The following TXNDC12 variants were observed in gnomAD, a reference collection of about 807,000 sequenced individuals.
The protein encoded by TXNDC12 is thioredoxin domain containing 12.
In TXNDC12, 22 loss-of-function variants were observed where a neutral mutation model predicts 24.2. The ratio of observed to expected loss-of-function variants is 0.91; its 90% CI spans 0.65 to 1.30. The LOEUF is 1.30. TXNDC12 is among the 50% of genes most tolerant of loss of function. The pLI, the probability that TXNDC12 is intolerant of heterozygous loss-of-function variation, is 0.00. For synonymous variants in TXNDC12, 58 were observed against 73.4 expected, an observed-to-expected ratio of 0.79 and a Z score of 1.07; for missense variants, 184 against 205.8, an observed-to-expected ratio of 0.89 and a Z score of 0.65.
intron 2 of TXNDC12, chr1:52,030,295 G>C (rs1296403105): frequency 6.6e-6 from 1 of 151,946 alleles, no homozygotes; most frequent in African/African-American, 2.4e-5. Context: ...GAGACAGCCA[G>C]ACCTTGTCTC....
At chr1:52,053,473 G>C (rs1405664428) in intron 1 of TXNDC12, among the ~76,000 whole-genome samples, 2 of 152,022 alleles carry the variant, frequency 1.3e-5, no homozygotes, top group African/African-American at 2.4e-5. Context: ...GACCAGCCTT[G>C]CCAACATAGT....
intron 2 of TXNDC12, among the ~76,000 whole-genome samples, chr1:52,038,746 C>T (rs1268172535): frequency 1.3e-5 from 2 of 152,084 alleles, no homozygotes; most frequent in Non-Finnish European, 2.9e-5. Flanking sequence ...TTTCTCAAAT[C>T]ATATTAGAGT....
At chr1:52,053,025 C>A (rs1686246628) in intron 1 of TXNDC12, among the ~76,000 whole-genome samples, 1 of 151,572 alleles carries the variant, frequency 6.6e-6, no homozygotes, top group Admixed American at 6.6e-5. Flanking sequence ...GGGAGGATTA[C>A]CTGAGGTCAG....
intron 1 of TXNDC12, among the ~76,000 whole-genome samples, chr1:52,042,464 CTTT>C (rs3075033): frequency 7.1e-5 from 10 of 140,628 alleles, no homozygotes; most frequent in Admixed American, 2.2e-4. Flanking sequence ...TATACTTTCA[CTTT>C]TTTTTTTTTT....
chr1:52,033,232 T>A, intron 2 of TXNDC12: 1 of 1,614,148 alleles, frequency 6.2e-7, no homozygotes, highest in Non-Finnish European at 8.5e-7. Flanking sequence ...CCCGGATTCT[T>A]CTCGCTCCAG....
At chr1:52,050,334 T>A (rs1259724817) in intron 1 of TXNDC12, among the ~76,000 whole-genome samples, 2 of 152,206 alleles carry the variant, frequency 1.3e-5, no homozygotes, top group African/African-American at 2.4e-5. Flanking sequence ...CTGAAGGCAG[T>A]CCAATTTCCT....
Position 52,054,925 on chromosome 1 carries a change from G to A in TXNDC12, c.97+75C>T. The A allele has an allele frequency of 6.0e-6, 7 of 1,171,676 alleles. No individual in the cohort carries two copies. In the South Asian group the frequency reaches 8.6e-5, roughly 14 times the overall value. The allele number at this position is 1,171,676 out of a possible 1,614,324, so 72.6% of individuals were successfully genotyped here. A position where few individuals can be genotyped will look rare whatever the true frequency, so the allele number is the denominator to read the frequency against. On this transcript the variant is annotated intron_variant, in intron 1 of 6. Transcript: ENST00000371626. The stretch of plus-strand genomic sequence containing the variant: ...AGAGTTAGAATGGGAGGGGAACGGT[G>A]CTAGGGCAAGAAGAGATTATACTGG...
intron 1 of TXNDC12, among the ~76,000 whole-genome samples, chr1:52,049,852 AT>A (rs2124393640): frequency 6.6e-6 from 1 of 152,290 alleles, no homozygotes; most frequent in East Asian, 1.9e-4. Context: ...TGCTTATTTT[AT>A]GTAATAATTA....
chr1:52,037,782 A>T (rs912535089), intron 2 of TXNDC12, among the ~76,000 whole-genome samples: 13 of 152,040 alleles, frequency 8.6e-5, no homozygotes, highest in African/African-American at 3.1e-4. Flanking sequence ...GGCAGTTCTG[A>T]TGACAAACTT....
Position 52,020,286 on chromosome 1 carries a change from T to C in TXNDC12, c.*647A>G, listed in dbSNP as rs374786941. 2.7e-6 allele frequency: 1 copy of C among 373,496 alleles called. No individual in the cohort carries two copies. The highest frequency in any genetic ancestry group is 5.3e-6 in the Non-Finnish European group (1 of 189,926). The allele number at this position is 373,496 out of a possible 1,614,324, so 23.1% of individuals were successfully genotyped here. The stretch of plus-strand genomic sequence containing the variant: ...CCAACAGTAACAAGGGAAAGCATGC[T>C]TCCACCTGGAGCCGAGTCCAAGCAC... On this transcript the variant is annotated 3_prime_UTR_variant, in exon 7 of 7. Transcript: ENST00000371626.
At chr1:52,035,819 TGAGACTTTACA>T (rs1417379873) in intron 2 of TXNDC12, among the ~76,000 whole-genome samples, 2 of 152,178 alleles carry the variant, frequency 1.3e-5, no homozygotes, top group Non-Finnish European at 2.9e-5. Context: ...TAAACCTACT[TGAGACTTTACA>T]GACTATTCAA....
intron 1 of TXNDC12, among the ~76,000 whole-genome samples, chr1:52,053,697 G>C (rs560209540): frequency 4.6e-4 from 70 of 152,166 alleles, no homozygotes; most frequent in African/African-American, 1.6e-3. Flanking sequence ...AAAAAAAACG[G>C]TAGTCTGTTT....
intron 2 of TXNDC12, chr1:52,033,722 T>G: frequency 1.9e-6 from 3 of 1,610,178 alleles, no homozygotes; most frequent in Non-Finnish European, 2.5e-6. Context: ...CGCCGGCTCT[T>G]GCCGCTGTAC....
chr1:52,038,355 A>G (rs1400190030), intron 2 of TXNDC12, among the ~76,000 whole-genome samples: 1 of 148,726 alleles, frequency 6.7e-6, no homozygotes, highest in Admixed American at 6.8e-5. Flanking sequence ...TCTGTCACCC[A>G]GGCTGGAGTG....
At chr1:52,029,072 G>A (rs1056242856) in intron 2 of TXNDC12, among the ~76,000 whole-genome samples, 2 of 152,166 alleles carry the variant, frequency 1.3e-5, no homozygotes, top group Non-Finnish European at 2.9e-5. Context: ...AGGTTGCAGT[G>A]AGCTGAGACC....
At position 52,048,832 on chromosome 1, in the gene TXNDC12, G is replaced by T. The variant is rs1440531012; in HGVS notation, c.97+6168C>A. On this transcript the variant is annotated intron_variant, in intron 1 of 6. Coordinates refer to ENST00000371626, the MANE Select transcript of TXNDC12 (RefSeq NM_015913.4). ...AGATGGGGCCACTGCACTCCAGCCT[G>T]AGTGACAGAGTGAGACTCTGTCTCA... 3.9e-5 allele frequency among the ~76,000 whole-genome samples: 6 copies of T among 152,036 alleles called. No individual in the cohort carries two copies. In the East Asian group the frequency reaches 1.2e-3, roughly 29 times the overall value.
In TXNDC12 at chr1:52,027,320, C is replaced by T. The variant is rs199865786; in HGVS notation, c.240G>A (p.Thr80=). 3.1e-5 allele frequency: 50 copies of T among 1,613,026 alleles called. 1 individual carries two copies. In the Middle Eastern group the frequency reaches 1.8e-3, roughly 59 times the overall value. ...AATTATGGGAGAGTTCTGAAATTTC[C>T]GTAGATTCTGCAAATTTGGGCTTTA... The part of the protein sequence containing the change: ...KALKPKFAES[T]EISELSHNFV... Residue 80 remains threonine, a synonymous_variant, in exon 4 of 7, where the codon ACG becomes ACA. Coordinates refer to ENST00000371626, the MANE Select transcript of TXNDC12 (RefSeq NM_015913.4).
At chr1:52,040,122 G>A (rs774314628) in intron 2 of TXNDC12, among the ~76,000 whole-genome samples, 39 of 151,950 alleles carry the variant, frequency 2.6e-4, no homozygotes, top group African/African-American at 3.6e-4. Flanking sequence ...TAGTAGAGAC[G>A]GGGTTTTACC....
At chr1:52,021,729 T>C (rs1571996141) in intron 6 of TXNDC12, among the ~76,000 whole-genome samples, 1 of 152,170 alleles carries the variant, frequency 6.6e-6, no homozygotes, top group East Asian at 1.9e-4. Context: ...AAAGCACCCC[T>C]ATATAATGGC....
Sources: gnomAD v4.1 joint callset for allele counts (sites outside exome capture counted in the v4.1 genomes callset) on GRCh38, gnomAD v4.1.1 for gene constraint, MANE v1.5 for transcripts, NCBI Gene and HGNC (gene_info 2026-07-23, HGNC 2026-07-21) for gene names.